SYTL3: variants seen among roughly 807,000 people sequenced by gnomAD.
SYTL3 encodes the protein synaptotagmin-like protein 3.
A neutral mutation model predicts 82.1 loss-of-function variants in SYTL3; 88 were observed. The observed-to-expected ratio is 1.07, with a 90% CI of 0.90 to 1.28. The LOEUF (loss-of-function observed/expected upper bound fraction) is 1.28, where lower values mean the gene tolerates loss of function less well. SYTL3 is among the 50% of genes most tolerant of loss of function. The pLI is 0.00. For missense variants in SYTL3, 831 were observed against 757.6 expected (o/e 1.10, Z -1.14); for synonymous variants, 311 against 289.4 (o/e 1.07, Z -0.76).
intron 11 of SYTL3, among the ~76,000 whole-genome samples, chr6:158,744,762 C>T (rs757920792): frequency 2.4e-4 from 37 of 152,256 alleles, no homozygotes; most frequent in Non-Finnish European, 4.9e-4. Flanking sequence ...TATTTAAGCA[C>T]GTTTAATAGT....
chr6:158,689,651 C>CTTT (rs34593490), intron 6 of SYTL3, among the ~76,000 whole-genome samples: 3 of 144,822 alleles, frequency 2.1e-5, no homozygotes, highest in South Asian at 2.2e-4. Flanking sequence ...TTTTACTTAA[C>CTTT]TTTTTTTTTT....
Position 158,663,106 on chromosome 6 carries a change from A to G in SYTL3, c.-163A>G, listed in dbSNP as rs1004638083. The G allele has an allele frequency of 9.8e-6, 6 of 609,952 alleles. No individual in the cohort carries two copies. In the South Asian group the frequency reaches 1.0e-4, roughly 10 times the overall value. The allele number at this position is 609,952 out of a possible 1,614,324, so 37.8% of individuals were successfully genotyped here. On this transcript the variant is annotated 5_prime_UTR_variant, in exon 4 of 18. Coordinates refer to ENST00000611299, the MANE Select transcript of SYTL3 (RefSeq NM_001242394.2). ...TCTAAGGAGTATGACACAGTTAAAA[A>G]GGAAAAAAGAACCACAAGCAAAACA...
chr6:158,701,476 GTCT>G (rs1562393935), intron 6 of SYTL3, among the ~76,000 whole-genome samples: 8 of 144,332 alleles, frequency 5.5e-5, no homozygotes, highest in African/African-American at 2.1e-4. Context: ...ATGAAGGACT[GTCT>G]GGGGGGAGGA....
chr6:158,708,486 C>A (rs1017152940), intron 8 of SYTL3, 95 bp downstream of exon 8: 13 of 1,214,292 alleles, frequency 1.1e-5, no homozygotes, highest in Non-Finnish European at 1.6e-5. Context: ...GGGCACGGAA[C>A]CTCCCAGCAA....
chr6:158,760,202 A>G (rs1033594069), intron 14 of SYTL3, among the ~76,000 whole-genome samples: 5 of 152,108 alleles, frequency 3.3e-5, no homozygotes, highest in Non-Finnish European at 5.9e-5. Flanking sequence ...GACAGAGACT[A>G]CACCCCATGC....
rs1189846354 is a variant in SYTL3, at chr6:158,718,121, G to C, written c.630G>C (p.Glu210Asp). 1 of 1,546,788 alleles carries C rather than the reference G, an allele frequency of 6.5e-7. No individual in the cohort carries two copies. The highest frequency in any genetic ancestry group is 8.7e-7 in the Non-Finnish European group (1 of 1,145,236). The part of the protein sequence containing the change: ...LSKSQNDMTS[E>D]KHLLATGPRQ... ...AATCCCAGAATGATATGACTTCTGA[G>C]AAGCATCTTCTCGCCACGGGCCCCA... Residue 210 changes from glutamate (E) to aspartate (D), a missense_variant, in exon 10 of 18, where the codon GAG (glutamate) becomes GAC (aspartate). Transcript: ENST00000611299.
At chr6:158,746,822 TAA>T (rs11460658) in intron 12 of SYTL3, among the ~76,000 whole-genome samples, 1 of 145,924 alleles carries the variant, frequency 6.9e-6, no homozygotes, top group Non-Finnish European at 1.5e-5. Context: ...CAACTTGTTT[TAA>T]AAAAAAAAAA....
intron 6 of SYTL3, among the ~76,000 whole-genome samples, chr6:158,688,237 G>A (rs1028678837): frequency 3.9e-5 from 6 of 152,166 alleles, no homozygotes; most frequent in Admixed American, 6.5e-5. Flanking sequence ...TGTGATGAAC[G>A]TCTTGTACAG....
At chr6:158,686,728 G>A (rs527809080) in intron 6 of SYTL3, among the ~76,000 whole-genome samples, 8 of 152,160 alleles carry the variant, frequency 5.3e-5, no homozygotes, top group Non-Finnish European at 8.8e-5. Flanking sequence ...TTTACTTTAG[G>A]GATTGGTTAG....
At chr6:158,674,095 A>AATAATAATAATAATAATAAT in intron 5 of SYTL3, among the ~76,000 whole-genome samples, 1 of 137,470 alleles carries the variant, frequency 7.3e-6, no homozygotes, top group Non-Finnish European at 1.5e-5. Flanking sequence ...AAATAATAAT[A>AATAATAATAATAATAATAAT]ATAATAATAA....
chr6:158,660,954 C>T (rs114376412), intron 2 of SYTL3, among the ~76,000 whole-genome samples: 237 of 152,208 alleles, frequency 1.6e-3, no homozygotes, highest in African/African-American at 5.3e-3. Context: ...ACTCGGGAGG[C>T]GGAGGCTAAA....
At chr6:158,645,175 G>C (rs1583082604), upstream of SYTL3, among the ~76,000 whole-genome samples, 1 of 152,168 alleles carries the variant, frequency 6.6e-6, no homozygotes, top group Admixed American at 6.5e-5. Flanking sequence ...CTTGGGGACT[G>C]GGATTGGCAT....
At chr6:158,655,683 T>C (rs1321419913) in intron 2 of SYTL3, among the ~76,000 whole-genome samples, 1 of 152,232 alleles carries the variant, frequency 6.6e-6, no homozygotes, top group East Asian at 1.9e-4. Context: ...AGCTGAGCAC[T>C]GTGCTCTAGA....
At position 158,657,425 on chromosome 6, in the gene SYTL3, C is replaced by CAAAA. The variant is rs535361947; in HGVS notation, c.-636-3826_-636-3823dup. Among the ~76,000 whole-genome samples the CAAAA allele has an allele frequency of 7.6e-3, 609 of 79,776 alleles. 20 individuals carry two copies. The highest frequency in any genetic ancestry group is 0.019 in the East Asian group (43 of 2,232). 52.3% of individuals were successfully genotyped at this position (79,776 alleles called of 152,430 possible). A position where few individuals can be genotyped will look rare whatever the true frequency, so the allele number is the denominator to read the frequency against. ...TGGGTGGCAGAGCGAGACTCTGGCT[C>CAAAA]AAAAAAAAAAAAAAAAAAAAAGAGA... is the stretch of plus-strand genomic sequence containing the variant. On this transcript the variant is annotated intron_variant, in intron 2 of 17. Transcript: ENST00000611299.
At chr6:158,733,667 C>G (rs1785722351) in intron 11 of SYTL3, among the ~76,000 whole-genome samples, 1 of 151,914 alleles carries the variant, frequency 6.6e-6, no homozygotes, top group Non-Finnish European at 1.5e-5. Flanking sequence ...GTTAGCCAGT[C>G]AGGTTTTAAT....
intron 6 of SYTL3, among the ~76,000 whole-genome samples, chr6:158,688,089 A>C (rs1464988947): frequency 6.6e-6 from 1 of 152,184 alleles, no homozygotes; most frequent in Non-Finnish European, 1.5e-5. Context: ...ACATTTTCCT[A>C]TGTTATTAAG....
rs1398881076 is a variant in SYTL3 at position 158,726,016 on chromosome 6, G to A, written c.855+379G>A. ...AGGCATGCAAGCCACTGACAGTGTCGCAGTCCACGTGTGTGTCCAATCTCA... is the reference window on the plus strand; with the variant it reads ...AGGCATGCAAGCCACTGACAGTGTCACAGTCCACGTGTGTGTCCAATCTCA... On this transcript the variant is annotated intron_variant, in intron 11 of 17. Transcript: ENST00000611299. The A allele has an allele frequency of 9.3e-6, 6 of 643,850 alleles. No individual in the cohort carries two copies. The East Asian group carries it at 1.1e-4, about 12-fold the overall frequency. The allele number at this position is 643,850 out of a possible 1,614,324, so 39.9% of individuals were successfully genotyped here. A position where few individuals can be genotyped will look rare whatever the true frequency, so the allele number is the denominator to read the frequency against.
intron 11 of SYTL3, among the ~76,000 whole-genome samples, chr6:158,734,059 C>T (rs1400084375): frequency 2.2e-5 from 3 of 133,732 alleles, no homozygotes; most frequent in Non-Finnish European, 3.1e-5. Flanking sequence ...TGCGCCACTG[C>T]ACTCCAGCAT....
Position 158,663,163 on chromosome 6 carries a change from A to G in SYTL3, c.-106A>G. 3.2e-6 allele frequency: 3 copies of G among 950,902 alleles called. No individual in the cohort carries two copies. Among genetic ancestry groups the G allele is most frequent in the Non-Finnish European group, 4.9e-6 (3 of 614,016 alleles). 58.9% of individuals were successfully genotyped at this position (950,902 alleles called of 1,614,324 possible). ...AGTGAAATAGGAGAGGGAGCTCTTT[A>G]AACAAGGCTGGCTGCAGCTGGCCTC... is the stretch of plus-strand genomic sequence containing the variant. On this transcript the variant is annotated 5_prime_UTR_variant, in exon 4 of 18. Coordinates refer to ENST00000611299, the MANE Select transcript of SYTL3 (RefSeq NM_001242394.2).
Sources: allele counts gnomAD v4.1 joint callset (sites outside exome capture counted in the v4.1 genomes callset), GRCh38; gene constraint gnomAD v4.1.1; transcripts MANE v1.5; gene names NCBI Gene and HGNC (gene_info 2026-07-23, HGNC 2026-07-21).